Variants in LCA5 observed in about 807,000 individuals in gnomAD.
The protein encoded by LCA5 is lebercilin.
Under a neutral mutation model 53.0 loss-of-function variants are expected in LCA5, and 37 were observed. The ratio of observed to expected loss-of-function variants is 0.70; its 90% CI spans 0.54 to 0.92. The LOEUF is 0.92. Ranked by LOEUF, LCA5 falls within the 40% of genes least tolerant of loss-of-function variation. The pLI is 0.00. For missense variants in LCA5, 806 were observed against 790.5 expected, an observed-to-expected ratio of 1.02 and a Z score of -0.23; for synonymous variants, 303 against 282.9, an observed-to-expected ratio of 1.07 and a Z score of -0.71.
chr6:79,518,752 C>T lies in LCA5; in HGVS notation c.143G>A (p.Arg48Lys). ...TGAAGTTTGTCTTTTAGGATTTTTT[C>T]TCCTAACACTTGCAGGTGAAGAACT... ...LVSSSPASVR[R>K]KNPKRQTSDG... Residue 48 changes from arginine to lysine, a missense_variant, in exon 2 of 8, where the codon AGA becomes AAA. Transcript: ENST00000369846. The T allele has an allele frequency of 6.2e-7, 1 of 1,614,100 alleles. No homozygotes were observed. The highest frequency in any genetic ancestry group is 1.1e-5 in the South Asian group (1 of 91,078).
At chr6:79,533,178 CTAATG>C (rs1325207717) in intron 1 of LCA5, among the ~76,000 whole-genome samples, 2 of 152,056 alleles carry the variant, frequency 1.3e-5, no homozygotes, top group Non-Finnish European at 2.9e-5. Context: ...TAATTTCTGA[CTAATG>C]TAATGTAGAC....
chr6:79,530,973 CA>C (rs1241613552), intron 1 of LCA5, among the ~76,000 whole-genome samples: 3 of 152,088 alleles, frequency 2.0e-5, no homozygotes, highest in Non-Finnish European at 4.4e-5. Context: ...TATAGCTCAA[CA>C]AGATTACATA....
In LCA5 at chr6:79,533,465, T is replaced by G. The variant is rs1047501993; in HGVS notation, c.-192+3700A>C. On this transcript the variant is annotated intron_variant, in intron 1 of 7. Coordinates refer to ENST00000369846, the MANE Select transcript of LCA5 (RefSeq NM_001122769.3). The stretch of plus-strand genomic sequence containing the variant: ...GAAAATTATAAGCCTTGTGCACAAT[T>G]TCAATTCCTAAAGAACTGTTTATTT... Among the ~76,000 whole-genome samples, 6 of 152,058 alleles carry G rather than the reference T, an allele frequency of 3.9e-5. No individual in the cohort carries two copies. The Middle Eastern group carries it at 0.01, about 259-fold the overall frequency.
chr6:79,498,277 G>A (rs1489939918), intron 3 of LCA5, among the ~76,000 whole-genome samples: 5 of 151,946 alleles, frequency 3.3e-5, no homozygotes, highest in Non-Finnish European at 4.4e-5. Flanking sequence ...AGCAACAGAC[G>A]AATCTGGGTA....
chr6:79,525,837 G>A (rs1033559012), intron 1 of LCA5, among the ~76,000 whole-genome samples: 5 of 152,202 alleles, frequency 3.3e-5, no homozygotes, highest in Non-Finnish European at 5.9e-5. Context: ...GCCACAAGCC[G>A]GAGCAGACAG....
chr6:79,508,640 AC>A (rs1487376145), intron 3 of LCA5, among the ~76,000 whole-genome samples: 3 of 151,476 alleles, frequency 2.0e-5, no homozygotes, highest in Non-Finnish European at 4.4e-5. Context: ...AAAAAAAAAA[AC>A]ACCACCACAT....
intron 1 of LCA5, among the ~76,000 whole-genome samples, chr6:79,520,020 TAG>T (rs1262115049): frequency 1.3e-5 from 2 of 152,136 alleles, no homozygotes; most frequent in Non-Finnish European, 2.9e-5. Flanking sequence ...AAAAGATCCC[TAG>T]AGTTTTTTTG....
In LCA5 at chr6:79,518,959, C is replaced by A. The variant is rs539979963; in HGVS notation, c.-65G>T. On this transcript the variant is annotated 5_prime_UTR_variant, in exon 2 of 8. Transcript: ENST00000369846. ...TTATTTTCTCCAGAGGAGACTATGACAATACTGAAAAACATTTTCACAGTC... is the reference window on the plus strand; with the variant it reads ...TTATTTTCTCCAGAGGAGACTATGAAAATACTGAAAAACATTTTCACAGTC... 249 of 1,405,560 alleles carry A rather than the reference C, an allele frequency of 1.8e-4. 1 individual carries two copies. The African/African-American group carries it at 3.0e-3, about 17-fold the overall frequency. The allele number at this position is 1,405,560 out of a possible 1,614,324, so 87.1% of individuals were successfully genotyped here.
chr6:79,520,734 G>A (rs1766600726), intron 1 of LCA5, among the ~76,000 whole-genome samples: 1 of 152,074 alleles, frequency 6.6e-6, no homozygotes, highest in Non-Finnish European at 1.5e-5. Flanking sequence ...ACACAATGAA[G>A]TATATGTAAT....
intron 3 of LCA5, among the ~76,000 whole-genome samples, chr6:79,494,490 T>G (rs184858621): frequency 6.6e-6 from 1 of 151,108 alleles, no homozygotes; most frequent in East Asian, 1.9e-4. Context: ...TAAAGCATCT[T>G]ATAGATAGAT....
intron 3 of LCA5, among the ~76,000 whole-genome samples, chr6:79,495,661 G>A (rs1441054949): frequency 6.7e-6 from 1 of 148,608 alleles, no homozygotes; most frequent in African/African-American, 2.5e-5. Flanking sequence ...TGAGGCAGAA[G>A]AATCACTTAA....
At chr6:79,533,607 C>T (rs900612638) in intron 1 of LCA5, among the ~76,000 whole-genome samples, 1 of 149,022 alleles carries the variant, frequency 6.7e-6, no homozygotes, top group African/African-American at 2.5e-5. Context: ...TAAAAAGTCC[C>T]AAACAGTAAA....
At chr6:79,531,495 C>T (rs530372597) in intron 1 of LCA5, among the ~76,000 whole-genome samples, 1 of 152,240 alleles carries the variant, frequency 6.6e-6, no homozygotes, top group East Asian at 1.9e-4. Flanking sequence ...ACCTAGAATG[C>T]TATCACCACT....
chr6:79,506,807 A>G (rs1349763080), intron 3 of LCA5, among the ~76,000 whole-genome samples: 1 of 152,216 alleles, frequency 6.6e-6, no homozygotes, highest in African/African-American at 2.4e-5. Flanking sequence ...TGAATATACA[A>G]TGGGGTTTTC....
rs1769902052 is a variant in LCA5, at chr6:79,493,666, C to G, written c.805G>C (p.Asp269His). The G allele has an allele frequency of 2.5e-6, 4 of 1,613,336 alleles. No homozygotes were observed. In the African/African-American group the frequency reaches 4.0e-5, roughly 16 times the overall value. The stretch of plus-strand genomic sequence containing the variant: ...TCCTTTTGAAGAACTTTATTTTCAT[C>G]ATGAGCCTCATATGCCCTTTTCCTT... ...AERKRAYEAHDENKVLQKEVQ... is the reference protein window; with the variant it reads ...AERKRAYEAHHENKVLQKEVQ... The change falls in exon 4 of 8, where the codon GAT becomes CAT. Residue 269 changes from aspartate to histidine, a missense_variant. Coordinates refer to ENST00000369846, the MANE Select transcript of LCA5 (RefSeq NM_001122769.3).
In LCA5 at chr6:79,523,415, A is replaced by AC. The variant is rs537169338; in HGVS notation, c.-191-4331_-191-4330insG. 1.6e-4 allele frequency among the ~76,000 whole-genome samples: 25 copies of AC among 152,342 alleles called. 1 individual carries two copies. In the South Asian group the frequency reaches 5.2e-3, roughly 32 times the overall value. On this transcript the variant is annotated intron_variant, in intron 1 of 7. Transcript: ENST00000369846. ...TGTAAATCTGGAGCGTTTACCTCTCAATGTAAGTCTAACTTTTTAAAATGT... is the reference window on the plus strand; with the variant it reads ...TGTAAATCTGGAGCGTTTACCTCTCACATGTAAGTCTAACTTTTTAAAATGT...
chr6:79,502,247 A>G (rs1770160890), intron 3 of LCA5, among the ~76,000 whole-genome samples: 2 of 152,156 alleles, frequency 1.3e-5, no homozygotes, highest in African/African-American at 4.8e-5. Flanking sequence ...AATTCATCTG[A>G]ATCTGGAGAC....
Position 79,485,801 on chromosome 6 carries a change from C to T in LCA5, c.*1203G>A, listed in dbSNP as rs1769636148. 6.6e-6 allele frequency: 1 copy of T among 152,118 alleles called. No individual in the cohort carries two copies. Among genetic ancestry groups the T allele is most frequent in the African/African-American group, 2.4e-5 (1 of 41,432 alleles). 9.4% of individuals were successfully genotyped at this position (152,118 alleles called of 1,614,324 possible). On this transcript the variant is annotated 3_prime_UTR_variant, in exon 8 of 8. Coordinates refer to ENST00000369846, the MANE Select transcript of LCA5 (RefSeq NM_001122769.3). Reference sequence around the variant, plus strand: ...TTCCCAACACACTATTTCCACCACTCTTCATTTTAACAATGTTTTCTCCTT... The same window carrying T: ...TTCCCAACACACTATTTCCACCACTTTTCATTTTAACAATGTTTTCTCCTT...
chr6:79,486,918 G>T lies in LCA5; in HGVS notation c.*86C>A. On this transcript the variant is annotated 3_prime_UTR_variant, in exon 8 of 8. Coordinates refer to ENST00000369846, the MANE Select transcript of LCA5 (RefSeq NM_001122769.3). ...ATCATTCCTTAATAAGGACATTTTA[G>T]CATTAAAAAGTCTAAATGTTTATAA... is the stretch of plus-strand genomic sequence containing the variant. 9.1e-7 allele frequency: 1 copy of T among 1,095,738 alleles called. No homozygotes were observed. The highest frequency in any genetic ancestry group is 1.3e-6 in the Non-Finnish European group (1 of 772,048). The allele number at this position is 1,095,738 out of a possible 1,614,324, so 67.9% of individuals were successfully genotyped here.
Sources: allele counts gnomAD v4.1 joint callset (sites outside exome capture counted in the v4.1 genomes callset), GRCh38; gene constraint gnomAD v4.1.1; transcripts MANE v1.5; gene names NCBI Gene and HGNC (gene_info 2026-07-23, HGNC 2026-07-21).